AMPH: variants seen among roughly 807,000 people sequenced by gnomAD.
The protein encoded by AMPH is amphiphysin (Stiff-Mann syndrome with breast cancer 128kD autoantigen).
Under a neutral mutation model 99.1 loss-of-function variants are expected in AMPH, and 49 were observed. That is an observed-to-expected ratio of 0.49 (90% CI 0.39 to 0.63). AMPH has a LOEUF of 0.63. Ranked by LOEUF, AMPH falls within the 20% of genes least tolerant of loss-of-function variation. AMPH has a pLI of 0.00. For missense variants in AMPH, 759 were observed against 863.4 expected (o/e 0.88, Z 1.52); for synonymous variants, 314 against 317.3 (o/e 0.99, Z 0.11).
At chr7:38,451,415 C>T (rs894065597) in intron 11 of AMPH, among the ~76,000 whole-genome samples, 5 of 136,726 alleles carry the variant, frequency 3.7e-5, no homozygotes, top group African/African-American at 1.1e-4. Flanking sequence ...TATATACACA[C>T]ATACATGATT....
intron 13 of AMPH, 32 bp downstream of exon 13, chr7:38,432,157 T>C (rs767645521): frequency 1.4e-5 from 23 of 1,593,976 alleles, no homozygotes; most frequent in Non-Finnish European, 1.6e-5. Flanking sequence ...GGGATCAAGA[T>C]ACATGAAAAA....
At chr7:38,535,546 C>A (rs1209794513) in intron 1 of AMPH, among the ~76,000 whole-genome samples, 1 of 152,170 alleles carries the variant, frequency 6.6e-6, no homozygotes, top group Non-Finnish European at 1.5e-5. Flanking sequence ...AAGCACACTA[C>A]ATTTATTGTG....
rs1195839874 is a variant in AMPH at position 38,503,688 on chromosome 7, A to C, written c.167T>G (p.Leu56Arg). The change falls in exon 3 of 21, where the codon CTT (leucine) becomes CGT (arginine). Residue 56 changes from leucine (L) to arginine (R), a missense_variant. By Grantham distance (102) the Leu-to-Arg change is moderately radical. Around this residue, in one of 2 missense-constraint regions of AMPH, gnomAD observed 205 missense variants for 287.9 expected, o/e 0.71. Transcript: ENST00000356264. ...TAAATATCCTCGGAGTTCTCGCTGAAGTCTGGTACCCTCTGCCTAAAAAAC... is the reference window on the plus strand; with the variant it reads ...TAAATATCCTCGGAGTTCTCGCTGACGTCTGGTACCCTCTGCCTAAAAAAC... ...FKRQEAEGTRLQRELRGYLAA... is the reference protein window; with the variant it reads ...FKRQEAEGTRRQRELRGYLAA... 6.2e-7 allele frequency: 1 copy of C among 1,613,966 alleles called. No homozygotes were observed. The highest frequency in any genetic ancestry group is 1.3e-5 in the African/African-American group (1 of 74,922).
chr7:38,623,281 T>C (rs1264836268), intron 1 of AMPH, among the ~76,000 whole-genome samples: 1 of 152,226 alleles, frequency 6.6e-6, no homozygotes, highest in East Asian at 1.9e-4. Flanking sequence ...TTTTCAAATG[T>C]AACCAAATAT....
At chr7:38,519,826 A>T (rs1789885154) in intron 2 of AMPH, among the ~76,000 whole-genome samples, 1 of 152,182 alleles carries the variant, frequency 6.6e-6, no homozygotes, top group East Asian at 1.9e-4. Flanking sequence ...AAATGCACTC[A>T]CATGTTCATT....
At chr7:38,477,798 G>C (rs995285034) in intron 5 of AMPH, among the ~76,000 whole-genome samples, 3 of 151,986 alleles carry the variant, frequency 2.0e-5, no homozygotes, top group Admixed American at 6.5e-5. Context: ...CTGCTTCTCG[G>C]GGAGCAATAA....
At chr7:38,471,438 T>C (rs1038714288) in intron 7 of AMPH, among the ~76,000 whole-genome samples, 1 of 152,202 alleles carries the variant, frequency 6.6e-6, no homozygotes, top group Admixed American at 6.5e-5. Flanking sequence ...TTTTTTAAAA[T>C]TGAACCTGCA....
intron 5 of AMPH, among the ~76,000 whole-genome samples, chr7:38,478,639 C>T (rs1424692920): frequency 6.6e-6 from 1 of 152,064 alleles, no homozygotes; most frequent in Admixed American, 6.5e-5. Flanking sequence ...TCAGACATGA[C>T]TCAGATGTTG....
At chr7:38,612,432 G>A (rs1793720936) in intron 1 of AMPH, among the ~76,000 whole-genome samples, 2 of 152,080 alleles carry the variant, frequency 1.3e-5, no homozygotes, top group Non-Finnish European at 2.9e-5. Context: ...TTCACAGGGG[G>A]CTTTGGAGCT....
At position 38,398,544 on chromosome 7, in the gene AMPH, G is replaced by C. The variant is rs529511742; in HGVS notation, c.1399-4330C>G. Among the ~76,000 whole-genome samples the C allele has an allele frequency of 3.3e-5, 5 of 152,296 alleles. No homozygotes were observed. The East Asian group carries it at 9.6e-4, about 29-fold the overall frequency. On this transcript the variant is annotated intron_variant, in intron 17 of 20. Transcript: ENST00000356264. The stretch of plus-strand genomic sequence containing the variant: ...GTAGAAGGATGCTTACCAGAGGCTG[G>C]GAAGGGTAGTGAGGAAGTAGGGGGG...
chr7:38,603,361 A>C (rs1229121332), intron 1 of AMPH, among the ~76,000 whole-genome samples: 1 of 152,038 alleles, frequency 6.6e-6, no homozygotes, highest in Non-Finnish European at 1.5e-5. Flanking sequence ...AGTTAAAATC[A>C]AGCCAGAAAA....
intron 12 of AMPH, among the ~76,000 whole-genome samples, chr7:38,433,148 C>T (rs185154217): frequency 5.9e-4 from 90 of 152,282 alleles, no homozygotes; most frequent in African/African-American, 2.1e-3. Context: ...TGATGGTTTT[C>T]GGTTGAGATT....
rs1316189495 is a variant in AMPH at position 38,616,393 on chromosome 7, G to A, written c.69+14890C>T. On this transcript the variant is annotated intron_variant, in intron 1 of 20. Coordinates refer to ENST00000356264, the MANE Select transcript of AMPH (RefSeq NM_001635.4). ...TCTAAATTCTCACAACTGTGGACAG[G>A]ACTATAAATTTGATGCAACTTTGGA... Among the ~76,000 whole-genome samples, 4 of 152,146 alleles carry A rather than the reference G, an allele frequency of 2.6e-5. No homozygotes were observed. The East Asian group carries it at 7.7e-4, about 29-fold the overall frequency.
chr7:38,406,081 C>A (rs1225684641), intron 17 of AMPH, among the ~76,000 whole-genome samples: 2 of 152,052 alleles, frequency 1.3e-5, no homozygotes, highest in East Asian at 3.9e-4. Flanking sequence ...AAAAACCACA[C>A]AAATACTTGG....
At chr7:38,443,527 G>C (rs900467675) in intron 11 of AMPH, among the ~76,000 whole-genome samples, 2 of 152,044 alleles carry the variant, frequency 1.3e-5, no homozygotes, top group African/African-American at 4.8e-5. Context: ...TTCATCCTAG[G>C]ACTTCATGGA....
intron 1 of AMPH, among the ~76,000 whole-genome samples, chr7:38,544,730 T>C (rs11523175): frequency 0.084 from 12,836 of 152,236 alleles, 748 homozygotes; most frequent in Middle Eastern, 0.2. Flanking sequence ...TCTTTAGAAA[T>C]GGGAGGATAC....
intron 11 of AMPH, among the ~76,000 whole-genome samples, chr7:38,456,084 T>C (rs1169143211): frequency 6.6e-6 from 1 of 152,116 alleles, no homozygotes; most frequent in Non-Finnish European, 1.5e-5. Context: ...CTTCCAAAGG[T>C]CTGCATCCCT....
chr7:38,386,041 C>T (rs1219864612), intron 20 of AMPH, among the ~76,000 whole-genome samples: 1 of 151,502 alleles, frequency 6.6e-6, no homozygotes, highest in Non-Finnish European at 1.5e-5. Context: ...AATTCATTCC[C>T]TTTTGATATA....
intron 1 of AMPH, among the ~76,000 whole-genome samples, chr7:38,609,115 G>A (rs575669586): frequency 1.6e-4 from 25 of 152,266 alleles, no homozygotes; most frequent in African/African-American, 5.1e-4. Context: ...ATCACAAGGC[G>A]GAGGGAGGGG....
Sources: allele counts gnomAD v4.1 joint callset (sites outside exome capture counted in the v4.1 genomes callset), GRCh38; gene constraint gnomAD v4.1.1; regional missense constraint gnomAD v4.1.1; transcripts MANE v1.5; gene names NCBI Gene and HGNC (gene_info 2026-07-23, HGNC 2026-07-21).